Variants in HNF4A observed in about 807,000 individuals in gnomAD.
HNF4A encodes hepatocyte nuclear factor 4 alpha.
HNF4A carries 15 observed loss-of-function variants against 52.4 expected under a neutral mutation model. That is an observed-to-expected ratio of 0.29 (90% confidence interval 0.19 to 0.44). HNF4A has a LOEUF of 0.44. HNF4A is among the 20% of genes least tolerant of loss of function. The pLI, the probability that HNF4A is intolerant of heterozygous loss-of-function variation, is 1.00. For missense variants in HNF4A, 479 were observed against 647.2 expected, an observed-to-expected ratio of 0.74 and a Z score of 2.82; for synonymous variants, 280 against 264.4, an observed-to-expected ratio of 1.06 and a Z score of -0.57.
chr20:44,385,301 T>A (rs2063209506), intron 1 of HNF4A, among the ~76,000 whole-genome samples: 1 of 151,596 alleles, frequency 6.6e-6, no homozygotes, highest in Admixed American at 6.6e-5. Context: ...TGAGGGCACC[T>A]GGTATCAGAA....
chr20:44,406,408 C>T (rs2063501460), intron 2 of HNF4A, among the ~76,000 whole-genome samples, 176 bp downstream of exon 2: 2 of 152,184 alleles, frequency 1.3e-5, no homozygotes, highest in South Asian at 4.1e-4. Flanking sequence ...ATTCTAGGAA[C>T]CACATTTACT....
chr20:44,415,624 A>G (rs1219397288), intron 5 of HNF4A, among the ~76,000 whole-genome samples: 1 of 152,150 alleles, frequency 6.6e-6, no homozygotes, highest in Non-Finnish European at 1.5e-5. Context: ...ACCTTTGCAT[A>G]AGACACTGAC....
At chr20:44,357,534 T>G (rs2062871438) in intron 1 of HNF4A, among the ~76,000 whole-genome samples, 1 of 152,074 alleles carries the variant, frequency 6.6e-6, no homozygotes, top group Non-Finnish European at 1.5e-5. Flanking sequence ...CCCCACAGTG[T>G]CTCTTAAAGG....
Position 44,429,746 on chromosome 20 carries a change from A to C in HNF4A, c.*81A>C. 1 of 1,419,538 alleles carries C rather than the reference A, an allele frequency of 7.0e-7. No individual in the cohort carries two copies. Among genetic ancestry groups the C allele is most frequent in the South Asian group, 1.2e-5 (1 of 86,386 alleles). The allele number at this position is 1,419,538 out of a possible 1,614,324, so 87.9% of individuals were successfully genotyped here. A position where few individuals can be genotyped will look rare whatever the true frequency, so the allele number is the denominator to read the frequency against. On this transcript the variant is annotated 3_prime_UTR_variant, in exon 10 of 10. Transcript: ENST00000316099. ...CCTGGTGATCACGTGGTCACGGCAA[A>C]GGAAGACGTGATGCCAGGACCAGTC...
At position 44,384,573 on chromosome 20, in the gene HNF4A, A is replaced by T. The variant is rs571898789; in HGVS notation, c.50-21485A>T. 7.2e-5 allele frequency: 11 copies of T among 152,270 alleles called. No individual in the cohort carries two copies. The East Asian group carries it at 1.9e-3, about 27-fold the overall frequency. 9.4% of individuals were successfully genotyped at this position (152,270 alleles called of 1,614,324 possible). The stretch of plus-strand genomic sequence containing the variant: ...GGCAGGGGGCGCTCCGCGTTGTGGA[A>T]CGATTCATATCTATACTTGCTTCCC... On this transcript the variant is annotated intron_variant, in intron 1 of 9. Transcript: ENST00000316673.
At chr20:44,420,822 A>T (rs945315576) in intron 7 of HNF4A, among the ~76,000 whole-genome samples, 1 of 151,962 alleles carries the variant, frequency 6.6e-6, no homozygotes, top group Non-Finnish European at 1.5e-5. Context: ...CATCTAAAAA[A>T]TAATAATAAA....
chr20:44,378,928 A>G (rs866545021), intron 1 of HNF4A, among the ~76,000 whole-genome samples: 1,799 of 151,666 alleles, frequency 0.012, 39 homozygotes, highest in African/African-American at 0.04. Flanking sequence ...CAAAAAAAAA[A>G]AAAAAAGAAA....
rs1194144184 is a variant in HNF4A, at chr20:44,430,094, C to G, written c.*429C>G. The G allele has an allele frequency of 6.0e-6, 1 of 165,470 alleles. No individual in the cohort carries two copies. Among genetic ancestry groups the G allele is most frequent in the Non-Finnish European group, 1.3e-5 (1 of 77,006 alleles). The allele number at this position is 165,470 out of a possible 1,614,324, so 10.3% of individuals were successfully genotyped here. The stretch of plus-strand genomic sequence containing the variant: ...CAGACAGAGCCCTGTGAGGCTGGGT[C>G]CAATTGTGGCACTTGGGGCACCTTG... On this transcript the variant is annotated 3_prime_UTR_variant, in exon 10 of 10. Transcript: ENST00000316099.
chr20:44,369,596 C>T (rs1407211406), intron 1 of HNF4A, among the ~76,000 whole-genome samples: 1 of 152,172 alleles, frequency 6.6e-6, no homozygotes, highest in Non-Finnish European at 1.5e-5. Flanking sequence ...CCATGTTTCA[C>T]ATCCCAGCTG....
intron 1 of HNF4A, among the ~76,000 whole-genome samples, chr20:44,405,065 C>A (rs201355861): frequency 1.6e-4 from 2 of 12,832 alleles, no homozygotes; most frequent in African/African-American, 5.7e-4. Flanking sequence ...CTGTGTGGTG[C>A]GTGTGTGTGG....
At position 44,391,066 on chromosome 20, in the gene HNF4A, A is replaced by G. The variant is rs142425335; in HGVS notation, c.50-14992A>G. On this transcript the variant is annotated intron_variant, in intron 1 of 9. Coordinates refer to the HNF4A transcript ENST00000316673. ...GAACCCTGAAGTTCCCTGAGCAGAA[A>G]ACAATCGGTTAAAATCTCATTGCCA... Among the ~76,000 whole-genome samples the G allele has an allele frequency of 2.6e-5, 4 of 152,186 alleles. No homozygotes were observed. In the East Asian group the frequency reaches 5.8e-4, roughly 22 times the overall value.
At chr20:44,355,876 T>C (rs2062851720) in intron 1 of HNF4A, 23 bp downstream of exon 1, 1 of 1,605,932 alleles carries the variant, frequency 6.2e-7, no homozygotes, top group Non-Finnish European at 8.5e-7. Context: ...GGGGGAAGAC[T>C]GGACAGGGCG....
chr20:44,361,894 C>T (rs1421659180), intron 1 of HNF4A, among the ~76,000 whole-genome samples: 6 of 152,050 alleles, frequency 3.9e-5, no homozygotes, highest in African/African-American at 1.4e-4. Context: ...GAGGAGTAGA[C>T]TGATATCTAA....
intron 1 of HNF4A, among the ~76,000 whole-genome samples, chr20:44,368,134 GTA>G (rs373617866): frequency 3.4e-4 from 19 of 56,392 alleles, no homozygotes; most frequent in African/African-American, 1.5e-3. Context: ...GTGTGTGTGT[GTA>G]TATACATATA....
chr20:44,424,413 T>G (rs1370067336), intron 8 of HNF4A, 159 bp downstream of exon 8: 2 of 1,291,668 alleles, frequency 1.5e-6, no homozygotes, highest in Non-Finnish European at 2.2e-6. Context: ...ACCAGAAAAA[T>G]GGGAACAAGG....
At chr20:44,364,704 G>A (rs749812609) in intron 1 of HNF4A, among the ~76,000 whole-genome samples, 21 of 152,030 alleles carry the variant, frequency 1.4e-4, no homozygotes, top group Non-Finnish European at 2.1e-4. Flanking sequence ...TCCTGACCTC[G>A]TGATCCACCT....
At chr20:44,370,500 G>C (rs1253283745) in intron 1 of HNF4A, among the ~76,000 whole-genome samples, 2 of 152,156 alleles carry the variant, frequency 1.3e-5, no homozygotes, top group African/African-American at 4.8e-5. Context: ...AGCCTCCCTT[G>C]AACACCCAAA....
chr20:44,399,210 CAT>C (rs72323732), upstream of HNF4A, among the ~76,000 whole-genome samples: 25,938 of 152,176 alleles, frequency 0.17, 2,364 homozygotes, highest in South Asian at 0.19. Context: ...TATCAAGTCT[CAT>C]AGTGTGGGTT....
chr20:44,394,324 C>G (rs2063332822), intron 1 of HNF4A, among the ~76,000 whole-genome samples: 1 of 152,092 alleles, frequency 6.6e-6, no homozygotes, highest in Non-Finnish European at 1.5e-5. Flanking sequence ...AGTCACTTCC[C>G]CCTCTGATCT....
Sources: gnomAD v4.1 joint callset for allele counts (sites outside exome capture counted in the v4.1 genomes callset) on GRCh38, gnomAD v4.1.1 for gene constraint, MANE v1.5 for transcripts, NCBI Gene and HGNC (gene_info 2026-07-23, HGNC 2026-07-21) for gene names.